The following TMEM182 variants were observed in gnomAD, a reference collection of about 807,000 sequenced individuals.
The protein encoded by TMEM182 is transmembrane protein 182.
A neutral mutation model predicts 26.8 loss-of-function variants in TMEM182; 20 were observed. The observed-to-expected ratio is 0.75, with a 90% confidence interval of 0.53 to 1.09. TMEM182 has a LOEUF of 1.09. Ranked by LOEUF, TMEM182 falls within the 50% of genes least tolerant of loss-of-function variation. The pLI is 0.00. For missense variants in TMEM182, 277 were observed against 275.5 expected (o/e 1.01, Z -0.04); for synonymous variants, 109 against 102.2 (o/e 1.07, Z -0.40).
chr2:102,814,764 G>C lies in TMEM182; in HGVS notation c.486G>C (p.Leu162Phe). 1.2e-6 allele frequency: 2 copies of C among 1,613,428 alleles called. No individual in the cohort carries two copies. Residue 162 changes from leucine to phenylalanine, a missense_variant, in exon 5 of 5, where the codon TTG becomes TTC. Leu to Phe is a conservative substitution (Grantham distance 22, BLOSUM62 0). Coordinates refer to ENST00000412401, the MANE Select transcript of TMEM182 (RefSeq NM_144632.5). The part of the protein sequence containing the change: ...SYIAAGILFS[L>F]VVMLYVIWVQ... ...CCTTCTCAGGCATCCTATTTTCATT[G>C]GTGGTGATGCTGTATGTCATCTGGG...
At chr2:102,771,953 C>T (rs950859559) in intron 3 of TMEM182, among the ~76,000 whole-genome samples, 1 of 152,180 alleles carries the variant, frequency 6.6e-6, no homozygotes, top group Admixed American at 6.5e-5. Flanking sequence ...AAATCACCCT[C>T]TAATGAAAAT....
intron 3 of TMEM182, among the ~76,000 whole-genome samples, chr2:102,833,699 TCTC>T (rs1683191812): frequency 1.3e-5 from 2 of 152,174 alleles, no homozygotes; most frequent in East Asian, 1.9e-4. Context: ...GTCTCCTTAT[TCTC>T]CTCTCATCTG....
intron 1 of TMEM182, among the ~76,000 whole-genome samples, chr2:102,753,625 C>T (rs1679944619): frequency 6.6e-6 from 1 of 152,176 alleles, no homozygotes; most frequent in Non-Finnish European, 1.5e-5. Context: ...CCTTCCACAG[C>T]CTCCCAAAGT....
chr2:102,782,086 A>G (rs1681193880), intron 3 of TMEM182, among the ~76,000 whole-genome samples: 3 of 152,116 alleles, frequency 2.0e-5, no homozygotes, highest in Admixed American at 6.5e-5. Context: ...CAGGTGAATC[A>G]CCTGATGTCG....
At chr2:102,746,418 C>CA (rs1679698407) in intron 1 of TMEM182, among the ~76,000 whole-genome samples, 1 of 152,066 alleles carries the variant, frequency 6.6e-6, no homozygotes. Flanking sequence ...CTTTGATGCA[C>CA]AAATGTTTTT....
chr2:102,811,058 C>CAG (rs376723389), intron 4 of TMEM182, among the ~76,000 whole-genome samples: 1 of 94,466 alleles, frequency 1.1e-5, no homozygotes, highest in Non-Finnish European at 2.0e-5. Context: ...TCCTCTATAG[C>CAG]AAAAAAAAAA....
At chr2:102,838,292 G>A (rs1372542779) in intron 3 of TMEM182, among the ~76,000 whole-genome samples, 1 of 152,200 alleles carries the variant, frequency 6.6e-6, no homozygotes, top group Admixed American at 6.5e-5. Flanking sequence ...TAGCTTCACT[G>A]CTTGGTGCAG....
chr2:102,754,271 G>T (rs1361145508), intron 1 of TMEM182, among the ~76,000 whole-genome samples: 1 of 152,098 alleles, frequency 6.6e-6, no homozygotes, highest in Non-Finnish European at 1.5e-5. Flanking sequence ...CATATACTGT[G>T]CATTACCTAA....
intron 1 of TMEM182, among the ~76,000 whole-genome samples, chr2:102,737,646 A>C (rs1679395269): frequency 6.6e-6 from 1 of 152,208 alleles, no homozygotes; most frequent in Non-Finnish European, 1.5e-5. Context: ...GCAGGAGTGC[A>C]GACCATTTAG....
chr2:102,794,812 A>T (rs1203520411), intron 3 of TMEM182, among the ~76,000 whole-genome samples: 2 of 152,216 alleles, frequency 1.3e-5, no homozygotes, highest in Non-Finnish European at 1.5e-5. Flanking sequence ...TTTGCTGAGT[A>T]TCCTGTATCT....
intron 4 of TMEM182, among the ~76,000 whole-genome samples, chr2:102,809,072 T>A (rs923493533): frequency 6.6e-6 from 1 of 152,220 alleles, no homozygotes; most frequent in Non-Finnish European, 1.5e-5. Context: ...ATTAAAAGAA[T>A]GAGAAAGAGG....
In TMEM182 at chr2:102,814,768, G is replaced by A. The variant is rs779871458; in HGVS notation, c.490G>A (p.Val164Met). The change falls in exon 5 of 5, where the codon GTG becomes ATG. Residue 164 changes from valine to methionine, a missense_variant. Val to Met is a conservative substitution (Grantham distance 21). Transcript: ENST00000412401. Reference sequence around the variant, plus strand: ...CTCAGGCATCCTATTTTCATTGGTGGTGATGCTGTATGTCATCTGGGTCCA... The same window carrying A: ...CTCAGGCATCCTATTTTCATTGGTGATGATGCTGTATGTCATCTGGGTCCA... Reference protein sequence around the residue: ...IAAGILFSLVVMLYVIWVQAV... With the variant: ...IAAGILFSLVMMLYVIWVQAV... 50 of 1,613,648 alleles carry A rather than the reference G, an allele frequency of 3.1e-5. No homozygotes were observed. In the South Asian group the frequency reaches 5.4e-4, roughly 17 times the overall value.
At chr2:102,831,665 G>A (rs560173495) in intron 3 of TMEM182, among the ~76,000 whole-genome samples, 22 of 152,216 alleles carry the variant, frequency 1.4e-4, no homozygotes, top group Non-Finnish European at 2.9e-4. Context: ...GCTGAGGCAC[G>A]AGAATTGCTC....
intron 3 of TMEM182, among the ~76,000 whole-genome samples, chr2:102,832,116 A>C (rs1426735523): frequency 6.6e-6 from 1 of 152,230 alleles, no homozygotes; most frequent in African/African-American, 2.4e-5. Flanking sequence ...TACAGTGGTC[A>C]TGTATTTCAC....
chr2:102,776,027 A>G (rs972980399), intron 3 of TMEM182, among the ~76,000 whole-genome samples: 11 of 152,200 alleles, frequency 7.2e-5, no homozygotes, highest in African/African-American at 2.4e-4. Context: ...GTTTTTTAAA[A>G]AAAGAATAAG....
At chr2:102,833,561 A>C (rs1334699405) in intron 3 of TMEM182, among the ~76,000 whole-genome samples, 2 of 152,314 alleles carry the variant, frequency 1.3e-5, no homozygotes, top group East Asian at 3.9e-4. Flanking sequence ...TCTCAAAACT[A>C]AGTTAACCTT....
intron 4 of TMEM182, among the ~76,000 whole-genome samples, chr2:102,807,452 A>G (rs1682390216): frequency 6.6e-6 from 1 of 152,248 alleles, no homozygotes. Flanking sequence ...ATGGGAAAAC[A>G]ATAGCATACT....
At chr2:102,762,718 G>A (rs1026342812) in intron 2 of TMEM182, 32 bp downstream of exon 2, 1 of 1,564,944 alleles carries the variant, frequency 6.4e-7, no homozygotes, top group African/African-American at 1.4e-5. Context: ...TTTCCCTCTT[G>A]TCTGTAAAAT....
chr2:102,798,590 G>C (rs922304390), intron 4 of TMEM182, among the ~76,000 whole-genome samples: 3 of 152,118 alleles, frequency 2.0e-5, no homozygotes, highest in African/African-American at 4.8e-5. Context: ...TGTAGTCCCA[G>C]CACTTTGGGA....
Sources: gnomAD v4.1 joint callset for allele counts (sites outside exome capture counted in the v4.1 genomes callset) on GRCh38, gnomAD v4.1.1 for gene constraint, MANE v1.5 for transcripts, NCBI Gene and HGNC (gene_info 2026-07-23, HGNC 2026-07-21) for gene names.